The following MYO1E variants were observed in gnomAD, a reference collection of about 807,000 sequenced individuals.
MYO1E encodes myosin IE.
A neutral mutation model predicts 151.1 loss-of-function variants in MYO1E; 68 were observed. The observed-to-expected ratio is 0.45, with a 90% CI of 0.37 to 0.55. The LOEUF (loss-of-function observed/expected upper bound fraction) is 0.55, where lower values mean the gene tolerates loss of function less well. Ranked by LOEUF, MYO1E falls within the 20% of genes least tolerant of loss-of-function variation. The probability of loss-of-function intolerance (pLI) is 0.00; values close to 1 mark genes in which losing one functional copy is unlikely to be tolerated. For synonymous variants in MYO1E, 601 were observed against 501.7 expected (o/e 1.20, Z -2.64); for missense variants, 1,363 against 1,389.3 (o/e 0.98, Z 0.30).
At chr15:59,225,550 A>G (rs1326451467) in intron 7 of MYO1E, among the ~76,000 whole-genome samples, 5 of 151,772 alleles carry the variant, frequency 3.3e-5, no homozygotes, top group African/African-American at 1.2e-4. Flanking sequence ...GATCCTACAT[A>G]TCTAGAAAGT....
At chr15:59,186,021 T>G (rs1368713747) in intron 18 of MYO1E, among the ~76,000 whole-genome samples, 1 of 152,260 alleles carries the variant, frequency 6.6e-6, no homozygotes, top group East Asian at 1.9e-4. Flanking sequence ...ACATCTCAGT[T>G]GTGTGTCAGC....
intron 1 of MYO1E, among the ~76,000 whole-genome samples, chr15:59,290,832 C>T (rs1043802877): frequency 2.0e-5 from 3 of 152,188 alleles, no homozygotes; most frequent in African/African-American, 2.4e-5. Context: ...GTAGTAAATG[C>T]TGGGTTCCCT....
At chr15:59,310,857 T>A (rs1455166904) in intron 1 of MYO1E, among the ~76,000 whole-genome samples, 1 of 151,992 alleles carries the variant, frequency 6.6e-6, no homozygotes, top group Non-Finnish European at 1.5e-5. Context: ...GTCTCAGAAT[T>A]ATGGTTCTAA....
intron 16 of MYO1E, among the ~76,000 whole-genome samples, chr15:59,196,955 T>C (rs2079770033): frequency 6.6e-6 from 1 of 150,896 alleles, no homozygotes; most frequent in Admixed American, 6.6e-5. Flanking sequence ...TAAACTTCAT[T>C]TTTAGATTTT....
chr15:59,202,514 T>C (rs1239306349), intron 15 of MYO1E, 107 bp from the exon 16 acceptor site: 1 of 1,026,722 alleles, frequency 9.7e-7, no homozygotes, highest in Non-Finnish European at 1.5e-6. Flanking sequence ...GCACATAACC[T>C]TGGCTACAGA....
rs974580242 is a variant in MYO1E at position 59,136,888 on chromosome 15, C to T, written c.*492G>A. On this transcript the variant is annotated 3_prime_UTR_variant, in exon 28 of 28. Coordinates refer to ENST00000288235, the MANE Select transcript of MYO1E (RefSeq NM_004998.4). Reference sequence around the variant, plus strand: ...CACGTACATGGGAAGTGCCTGCTCACGCTAAGCCCAGTCTGCAGAGGGCGG... The same window carrying T: ...CACGTACATGGGAAGTGCCTGCTCATGCTAAGCCCAGTCTGCAGAGGGCGG... The T allele has an allele frequency of 6.0e-5, 24 of 402,048 alleles. No individual in the cohort carries two copies. The highest frequency in any genetic ancestry group is 8.7e-5 in the Admixed American group (3 of 34,430). 24.9% of individuals were successfully genotyped at this position (402,048 alleles called of 1,614,324 possible).
chr15:59,133,126 A>G lies in MYO1E; in HGVS notation c.*4254T>C, dbSNP rs2079354162. The G allele has an allele frequency of 6.6e-6, 1 of 152,136 alleles. No homozygotes were observed. The highest frequency in any genetic ancestry group is 2.4e-5 in the African/African-American group (1 of 41,428). The allele number at this position is 152,136 out of a possible 1,614,324, so 9.4% of individuals were successfully genotyped here. A position where few individuals can be genotyped will look rare whatever the true frequency, so the allele number is the denominator to read the frequency against. ...TTGGGCACAGTGGCTCATGCTTGTA[A>G]TCCCAGAATTTTGGGAGGCCAAGGC... is the stretch of plus-strand genomic sequence containing the variant. On this transcript the variant is annotated 3_prime_UTR_variant, in exon 28 of 28. Transcript: ENST00000288235.
chr15:59,244,682 A>C (rs1247449956), intron 4 of MYO1E, among the ~76,000 whole-genome samples: 2 of 152,230 alleles, frequency 1.3e-5, no homozygotes, highest in African/African-American at 4.8e-5. Flanking sequence ...CTGGGAGCAC[A>C]ACTTTGTCAC....
Position 59,353,770 on chromosome 15 carries a change from AAAC to A in MYO1E, c.3+18725_3+18727del, listed in dbSNP as rs1264802555. Among the ~76,000 whole-genome samples, 986 of 147,726 alleles carry A rather than the reference AAAC, an allele frequency of 6.7e-3. 7 individuals are homozygous for A. The highest frequency in any genetic ancestry group is 0.023 in the African/African-American group (920 of 40,728). ...AAAACTCCGTCTCAAAAAAAAAAAA[AAAC>A]AAAGAAAGAAAAAAACGCAAAGGTA... On this transcript the variant is annotated intron_variant, in intron 1 of 27. Transcript: ENST00000288235.
chr15:59,225,109 C>T (rs2079981494), intron 7 of MYO1E, among the ~76,000 whole-genome samples: 1 of 152,198 alleles, frequency 6.6e-6, no homozygotes, highest in Non-Finnish European at 1.5e-5. Context: ...ATTTTAATTA[C>T]TTAGTTCCTG....
At chr15:59,173,424 A>T (rs538266752) in intron 21 of MYO1E, among the ~76,000 whole-genome samples, 3 of 143,412 alleles carry the variant, frequency 2.1e-5, no homozygotes, top group African/African-American at 7.3e-5. Context: ...ACTATCGAAA[A>T]TTCTCGCATT....
At chr15:59,247,545 C>T (rs1440596200) in intron 4 of MYO1E, among the ~76,000 whole-genome samples, 2 of 152,156 alleles carry the variant, frequency 1.3e-5, no homozygotes, top group Admixed American at 6.5e-5. Context: ...AAGAGACAAC[C>T]TATACGAAAG....
chr15:59,321,602 G>T (rs1311321713), intron 1 of MYO1E, among the ~76,000 whole-genome samples: 1 of 152,200 alleles, frequency 6.6e-6, no homozygotes, highest in Non-Finnish European at 1.5e-5. Context: ...AATACCCTAT[G>T]TTCTCACTTA....
intron 1 of MYO1E, among the ~76,000 whole-genome samples, chr15:59,303,323 G>A (rs2080494481): frequency 6.6e-6 from 1 of 152,120 alleles, no homozygotes; most frequent in Admixed American, 6.5e-5. Context: ...CCTGAGATGG[G>A]AGAATCACCT....
intron 1 of MYO1E, among the ~76,000 whole-genome samples, chr15:59,320,856 C>T (rs1294872889): frequency 6.6e-6 from 1 of 152,126 alleles, no homozygotes; most frequent in South Asian, 2.1e-4. Context: ...AACTAAAGAG[C>T]TTCTGTACAG....
Position 59,272,441 on chromosome 15 carries a change from T to C in MYO1E, c.12A>G (p.Lys4=). 2 of 1,614,194 alleles carry C rather than the reference T, an allele frequency of 1.2e-6. No homozygotes were observed. Among genetic ancestry groups the C allele is most frequent in the South Asian group, 2.2e-5 (2 of 91,082 alleles). MGS[K]GVYQYHWQSH... The stretch of plus-strand genomic sequence containing the variant: ...TTTGCCAGTGGTACTGGTAGACACC[T>C]TTGCTTCCCTGGGAACATAAAACAT... The change falls in exon 2 of 28, where the codon AAA becomes AAG. Residue 4 remains lysine, a synonymous_variant. Coordinates refer to ENST00000288235, the MANE Select transcript of MYO1E (RefSeq NM_004998.4).
intron 22 of MYO1E, among the ~76,000 whole-genome samples, chr15:59,167,976 G>A (rs1458902636): frequency 6.6e-6 from 1 of 152,062 alleles, no homozygotes; most frequent in Non-Finnish European, 1.5e-5. Context: ...ACCACACCCA[G>A]CCTAATTTTT....
In MYO1E at chr15:59,153,607, C is replaced by G. The variant is rs151231242; in HGVS notation, c.3063G>C (p.Pro1021=). 6.2e-7 allele frequency: 1 copy of G among 1,614,122 alleles called. No homozygotes were observed. Residue 1021 remains proline (P), a synonymous_variant, in exon 26 of 28, where the codon CCG becomes CCC. Coordinates refer to ENST00000288235, the MANE Select transcript of MYO1E (RefSeq NM_004998.4). ...TPESLDFLKV[P]DQGAAGVRRQ... The stretch of plus-strand genomic sequence containing the variant: ...AATCTTACCCTGCAGCTCCCTGGTC[C>G]GGGACCTTGAGGAAATCCAGGCTCT...
At chr15:59,141,510 T>C (rs930364567) in intron 26 of MYO1E, among the ~76,000 whole-genome samples, 1 of 152,154 alleles carries the variant, frequency 6.6e-6, no homozygotes, top group Non-Finnish European at 1.5e-5. Flanking sequence ...TTAAAAAATA[T>C]AGGACTGGCT....
Sources: allele counts gnomAD v4.1 joint callset (sites outside exome capture counted in the v4.1 genomes callset), GRCh38; gene constraint gnomAD v4.1.1; transcripts MANE v1.5; gene names NCBI Gene and HGNC (gene_info 2026-07-23, HGNC 2026-07-21).